CADPS2: variants seen among roughly 807,000 people sequenced by gnomAD.
CADPS2 encodes calcium dependent secretion activator 2.
In CADPS2, 93 loss-of-function variants were observed where a neutral mutation model predicts 172.5. The observed-to-expected ratio is 0.54, with a 90% CI of 0.46 to 0.64. CADPS2 has a LOEUF of 0.64. Among genes scored for constraint, CADPS2 ranks in the 30% least tolerant of loss-of-function variants. The pLI is 0.00. For synonymous variants in CADPS2, 546 were observed against 555.2 expected (o/e 0.98, Z 0.23); for missense variants, 1,420 against 1,565.9 (o/e 0.91, Z 1.57).
chr7:122,461,928 C>G (rs2152102198), intron 14 of CADPS2, among the ~76,000 whole-genome samples: 1 of 152,222 alleles, frequency 6.6e-6, no homozygotes, highest in Non-Finnish European at 1.5e-5. Context: ...CAAAGAAAAT[C>G]AGAAGAAAAT....
chr7:122,612,207 C>CA (rs1330378716), intron 6 of CADPS2, among the ~76,000 whole-genome samples: 8 of 150,608 alleles, frequency 5.3e-5, no homozygotes, highest in Admixed American at 4.6e-4. Flanking sequence ...AACAATTAGT[C>CA]AAAAAAAATA....
intron 6 of CADPS2, among the ~76,000 whole-genome samples, chr7:122,583,889 A>G (rs976244539): frequency 1.3e-5 from 2 of 151,314 alleles, no homozygotes; most frequent in Non-Finnish European, 3.0e-5. Context: ...ATATATACAT[A>G]CACTCACACA....
chr7:122,721,749 T>C (rs569074650), intron 2 of CADPS2, among the ~76,000 whole-genome samples: 55 of 152,144 alleles, frequency 3.6e-4, no homozygotes, highest in Admixed American at 2.7e-3. Flanking sequence ...AAAAGAGAAT[T>C]TTACACCAAT....
At chr7:122,535,466 C>T (rs1156980543) in intron 8 of CADPS2, among the ~76,000 whole-genome samples, 2 of 152,106 alleles carry the variant, frequency 1.3e-5, no homozygotes, top group Non-Finnish European at 2.9e-5. Context: ...GATCAGCTTG[C>T]TAATTAGAGT....
intron 1 of CADPS2, among the ~76,000 whole-genome samples, chr7:122,807,415 C>A (rs1235116349): frequency 6.6e-6 from 1 of 152,220 alleles, no homozygotes; most frequent in African/African-American, 2.4e-5. Flanking sequence ...GAGAAATTTT[C>A]TGCTCCACTG....
rs558861446 is a variant in CADPS2, at chr7:122,631,475, C to T, written c.787-2147G>A. ...TTTCTTTTTGTGGAGATGGAGTTCT[C>T]GCTATGTTGCCCAGGCTTGTCTTGA... is the stretch of plus-strand genomic sequence containing the variant. On this transcript the variant is annotated intron_variant, in intron 3 of 29. Coordinates refer to ENST00000449022, the MANE Select transcript of CADPS2 (RefSeq NM_017954.11). Among the ~76,000 whole-genome samples, 464 of 152,074 alleles carry T rather than the reference C, an allele frequency of 3.1e-3. 2 individuals are homozygous for T. Among genetic ancestry groups the T allele is most frequent in the Admixed American group, 4.7e-3 (72 of 15,254 alleles).
intron 7 of CADPS2, among the ~76,000 whole-genome samples, chr7:122,567,167 T>A (rs954036723): frequency 6.6e-6 from 1 of 152,120 alleles, no homozygotes; most frequent in Admixed American, 6.6e-5. Context: ...ATAGATAAAA[T>A]ATCACATGAA....
At chr7:122,379,525 G>T in intron 24 of CADPS2, 83 bp from the exon 25 acceptor site, 1 of 785,484 alleles carries the variant, frequency 1.3e-6, no homozygotes, top group Non-Finnish European at 2.2e-6. Context: ...AAATCTACTA[G>T]TTATGACCTA....
At chr7:122,728,145 A>G (rs892903307) in intron 2 of CADPS2, among the ~76,000 whole-genome samples, 2 of 152,078 alleles carry the variant, frequency 1.3e-5, no homozygotes, top group Non-Finnish European at 2.9e-5. Context: ...TCTATTCCAA[A>G]GTAAAATGAC....
At chr7:122,409,171 T>C (rs2047013703) in intron 19 of CADPS2, among the ~76,000 whole-genome samples, 2 of 152,220 alleles carry the variant, frequency 1.3e-5, no homozygotes, top group South Asian at 4.1e-4. Context: ...AAAGTATACA[T>C]GATTTCATTA....
At chr7:122,834,182 T>C (rs74558095) in intron 1 of CADPS2, among the ~76,000 whole-genome samples, 58 of 152,248 alleles carry the variant, frequency 3.8e-4, no homozygotes, top group Non-Finnish European at 7.9e-4. Context: ...GAAGGTAATA[T>C]GGTAGAAAGT....
At chr7:122,577,988 A>C (rs2132736561) in intron 7 of CADPS2, among the ~76,000 whole-genome samples, 1 of 151,932 alleles carries the variant, frequency 6.6e-6, no homozygotes, top group South Asian at 2.1e-4. Context: ...TATTCATAAA[A>C]CTTTATCTAC....
At chr7:122,822,706 G>A (rs984808711) in intron 1 of CADPS2, among the ~76,000 whole-genome samples, 1 of 151,590 alleles carries the variant, frequency 6.6e-6, no homozygotes, top group Admixed American at 6.6e-5. Flanking sequence ...AGTGTAAATG[G>A]CCGATCCTTG....
intron 2 of CADPS2, among the ~76,000 whole-genome samples, chr7:122,665,179 C>T (rs905380083): frequency 2.0e-5 from 3 of 152,264 alleles, no homozygotes; most frequent in East Asian, 1.9e-4. Context: ...CACACTTCCA[C>T]GCCTGTCTGC....
chr7:122,379,538 A>G (rs950820788), intron 24 of CADPS2, 96 bp from the exon 25 acceptor site: 4 of 740,110 alleles, frequency 5.4e-6, no homozygotes, highest in Non-Finnish European at 9.6e-6. Flanking sequence ...ATGACCTATC[A>G]GATTTATTTA....
intron 8 of CADPS2, among the ~76,000 whole-genome samples, chr7:122,529,109 T>C (rs560532478): frequency 2.5e-4 from 38 of 152,202 alleles, no homozygotes; most frequent in Non-Finnish European, 4.3e-4. Context: ...AGAATTACAA[T>C]GCCATGTCCA....
intron 1 of CADPS2, among the ~76,000 whole-genome samples, chr7:122,830,973 C>T (rs1806364874): frequency 6.6e-6 from 1 of 152,048 alleles, no homozygotes; most frequent in Non-Finnish European, 1.5e-5. Context: ...TGAGTGGAAA[C>T]AGGAAGAAAA....
intron 17 of CADPS2, chr7:122,426,258 T>C (rs949413800): frequency 2.6e-5 from 4 of 152,366 alleles, no homozygotes; most frequent in African/African-American, 9.6e-5. Flanking sequence ...TTCTAGGGCA[T>C]GCTAAGATTT....
chr7:122,714,404 T>C (rs2136840105), intron 2 of CADPS2, among the ~76,000 whole-genome samples: 1 of 152,246 alleles, frequency 6.6e-6, no homozygotes, highest in African/African-American at 2.4e-5. Context: ...CTTGATTTCC[T>C]ATGTCTCATT....
Sources: gnomAD v4.1 joint callset for allele counts (sites outside exome capture counted in the v4.1 genomes callset) on GRCh38, gnomAD v4.1.1 for gene constraint, MANE v1.5 for transcripts, NCBI Gene and HGNC (gene_info 2026-07-23, HGNC 2026-07-21) for gene names.